Variants in GPC6 observed in about 807,000 individuals in gnomAD.
GPC6 encodes the protein glypican 6.
GPC6 carries 14 observed loss-of-function variants against 55.2 expected under a neutral mutation model. The ratio of observed to expected loss-of-function variants is 0.25; its 90% CI spans 0.17 to 0.40. GPC6 has a LOEUF of 0.40. Among genes scored for constraint, GPC6 ranks in the 10% least tolerant of loss-of-function variants. The pLI, the probability that GPC6 is intolerant of heterozygous loss-of-function variation, is 1.00. For missense variants in GPC6, 641 were observed against 708.5 expected (o/e 0.90, Z 1.08); for synonymous variants, 278 against 259.6 (o/e 1.07, Z -0.68).
intron 1 of GPC6, among the ~76,000 whole-genome samples, chr13:93,281,056 A>T (rs1257900131): frequency 6.6e-6 from 1 of 152,208 alleles, no homozygotes; most frequent in African/African-American, 2.4e-5. Flanking sequence ...AAAAATGTTA[A>T]GAATGGCTTA....
intron 2 of GPC6, among the ~76,000 whole-genome samples, chr13:93,803,654 T>C (rs533690647): frequency 2.4e-4 from 37 of 152,196 alleles, no homozygotes; most frequent in Non-Finnish European, 3.8e-4. Context: ...GCAACATTAT[T>C]CTTAATAGCC....
At chr13:93,745,835 G>C (rs1422834356) in intron 2 of GPC6, among the ~76,000 whole-genome samples, 1 of 152,110 alleles carries the variant, frequency 6.6e-6, no homozygotes, top group Admixed American at 6.5e-5. Flanking sequence ...AGTTATTTTT[G>C]AGACGAAACT....
intron 8 of GPC6, 83 bp from the exon 9 acceptor site, chr13:94,402,932 C>T (rs1487354267): frequency 2.0e-6 from 2 of 995,148 alleles, no homozygotes; most frequent in Non-Finnish European, 1.6e-6. Flanking sequence ...ATGGGGATTA[C>T]AATTCAAGAT....
intron 4 of GPC6, among the ~76,000 whole-genome samples, chr13:94,122,219 T>G (rs1283327957): frequency 6.6e-6 from 1 of 152,096 alleles, no homozygotes; most frequent in African/African-American, 2.4e-5. Flanking sequence ...ACCTGATTTT[T>G]TGGAAACTAC....
At chr13:93,279,455 G>A (rs1401937267) in intron 1 of GPC6, among the ~76,000 whole-genome samples, 2 of 152,202 alleles carry the variant, frequency 1.3e-5, no homozygotes, top group African/African-American at 4.8e-5. Context: ...GATTTGTTCA[G>A]ATTCTGCCAT....
At chr13:94,335,512 C>T (rs575747212) in intron 6 of GPC6, among the ~76,000 whole-genome samples, 1 of 152,200 alleles carries the variant, frequency 6.6e-6, no homozygotes, top group South Asian at 2.1e-4. Context: ...ATCTGGGACA[C>T]TTCAGAGGCA....
chr13:94,272,457 TCTTTTC>T (rs1892061165), intron 4 of GPC6, among the ~76,000 whole-genome samples: 19 of 132,308 alleles, frequency 1.4e-4, no homozygotes, highest in African/African-American at 6.8e-4. Context: ...TCTTTTCTTT[TCTTTTC>T]TTTTTTTTTT....
At chr13:94,032,271 T>C (rs924998894) in intron 4 of GPC6, among the ~76,000 whole-genome samples, 1 of 152,186 alleles carries the variant, frequency 6.6e-6, no homozygotes, top group African/African-American at 2.4e-5. Flanking sequence ...GTTAAAATAA[T>C]TATAACAAAC....
At chr13:93,735,600 A>G (rs1284257258) in intron 2 of GPC6, among the ~76,000 whole-genome samples, 1 of 152,144 alleles carries the variant, frequency 6.6e-6, no homozygotes, top group African/African-American at 2.4e-5. Flanking sequence ...TCTTTGATCA[A>G]TCTTTGCCAG....
intron 3 of GPC6, among the ~76,000 whole-genome samples, chr13:93,857,232 C>G (rs1818011439): frequency 6.6e-6 from 1 of 151,434 alleles, no homozygotes; most frequent in African/African-American, 2.4e-5. Context: ...AGGAGAGAAT[C>G]AAAGAAAGTT....
intron 2 of GPC6, among the ~76,000 whole-genome samples, chr13:93,553,972 TAA>T (rs35301097): frequency 0.42 from 55,828 of 134,078 alleles, 12,403 homozygotes; most frequent in Middle Eastern, 0.57. Flanking sequence ...CCGTCTCTAC[TAA>T]AAAAAAAAAA....
intron 1 of GPC6, among the ~76,000 whole-genome samples, chr13:93,309,179 A>G (rs1254979253): frequency 1.3e-5 from 2 of 152,212 alleles, no homozygotes; most frequent in African/African-American, 2.4e-5. Flanking sequence ...CTTGTTTACA[A>G]TGTAAATGAT....
chr13:93,523,319 G>A (rs1376173284), intron 1 of GPC6, among the ~76,000 whole-genome samples: 1 of 148,528 alleles, frequency 6.7e-6, no homozygotes, highest in Non-Finnish European at 1.5e-5. Context: ...ATATTTAAAA[G>A]AGGATATATA....
intron 1 of GPC6, among the ~76,000 whole-genome samples, chr13:93,378,663 T>C (rs1875025113): frequency 6.6e-6 from 1 of 152,156 alleles, no homozygotes; most frequent in Non-Finnish European, 1.5e-5. Context: ...ATAAAATCCT[T>C]AGATATGTCA....
chr13:94,233,608 G>A (rs888786686), intron 4 of GPC6, among the ~76,000 whole-genome samples: 2 of 152,092 alleles, frequency 1.3e-5, no homozygotes, highest in Admixed American at 6.5e-5. Flanking sequence ...TTTGTCCAGC[G>A]TCTCCACACT....
At chr13:94,021,066 A>G (rs1421504813) in intron 3 of GPC6, among the ~76,000 whole-genome samples, 3 of 152,054 alleles carry the variant, frequency 2.0e-5, no homozygotes, top group South Asian at 4.1e-4. Flanking sequence ...ATTTAATGTG[A>G]CTGTACATTA....
intron 1 of GPC6, among the ~76,000 whole-genome samples, chr13:93,373,261 T>C (rs1383002223): frequency 6.6e-6 from 1 of 152,158 alleles, no homozygotes; most frequent in Non-Finnish European, 1.5e-5. Context: ...GCTTCGGTCT[T>C]TTTCTGTCCA....
intron 1 of GPC6, among the ~76,000 whole-genome samples, chr13:93,523,074 T>C (rs1276640617): frequency 6.6e-6 from 1 of 151,316 alleles, no homozygotes; most frequent in East Asian, 2.0e-4. Flanking sequence ...CATATACATA[T>C]ATGTGTGTAA....
intron 3 of GPC6, among the ~76,000 whole-genome samples, chr13:93,993,288 T>C (rs1394082064): frequency 1.3e-5 from 2 of 148,306 alleles, no homozygotes; most frequent in African/African-American, 4.9e-5. Flanking sequence ...ATGAGCATTC[T>C]TTCTTTCTTT....
Sources: gnomAD v4.1 joint callset for allele counts (sites outside exome capture counted in the v4.1 genomes callset) on GRCh38, gnomAD v4.1.1 for gene constraint, MANE v1.5 for transcripts, NCBI Gene and HGNC (gene_info 2026-07-23, HGNC 2026-07-21) for gene names.